Variants in DGKB observed in about 807,000 individuals in gnomAD.
DGKB encodes diacylglycerol kinase beta, also known as 90 kDa diacylglycerol kinase.
Under a neutral mutation model 114.3 loss-of-function variants are expected in DGKB, and 67 were observed. The ratio of observed to expected loss-of-function variants is 0.59; its 90% confidence interval spans 0.48 to 0.72. The LOEUF (loss-of-function observed/expected upper bound fraction) is 0.72, where lower values mean the gene tolerates loss of function less well. Ranked by LOEUF, DGKB falls within the 30% of genes least tolerant of loss-of-function variation. DGKB has a pLI of 0.00. For missense variants in DGKB, 907 were observed against 975.2 expected (o/e 0.93, Z 0.93); for synonymous variants, 398 against 323.1 (o/e 1.23, Z -2.49).
chr7:14,634,803 A>G (rs957001563), intron 13 of DGKB, among the ~76,000 whole-genome samples: 1 of 151,576 alleles, frequency 6.6e-6, no homozygotes, highest in Admixed American at 6.6e-5. Flanking sequence ...TGTTTTTTTT[A>G]TATTTCAGTT....
At chr7:14,374,608 A>G (rs1818193894) in intron 21 of DGKB, among the ~76,000 whole-genome samples, 1 of 152,218 alleles carries the variant, frequency 6.6e-6, no homozygotes, top group Non-Finnish European at 1.5e-5. Flanking sequence ...TAAATCCTAC[A>G]TGATCTAAAT....
chr7:14,910,278 G>T (rs1234758395), intron 1 of DGKB, among the ~76,000 whole-genome samples: 1 of 113,860 alleles, frequency 8.8e-6, no homozygotes, highest in Admixed American at 8.8e-5. Flanking sequence ...AAGAAAGAAA[G>T]AAAGAAAGAA....
intron 23 of DGKB, among the ~76,000 whole-genome samples, chr7:14,186,933 A>G (rs1210416981): frequency 6.6e-6 from 1 of 152,152 alleles, no homozygotes; most frequent in Non-Finnish European, 1.5e-5. Context: ...TGCTCAGGTG[A>G]TGGGTGCACC....
intron 21 of DGKB, among the ~76,000 whole-genome samples, chr7:14,398,713 G>A (rs1193691127): frequency 6.6e-6 from 1 of 151,810 alleles, no homozygotes; most frequent in Admixed American, 6.6e-5. Flanking sequence ...TGGAATCAGA[G>A]TGAACAGTTG....
upstream of DGKB, among the ~76,000 whole-genome samples, chr7:14,906,428 T>C (rs1477139816): frequency 3.4e-5 from 5 of 146,214 alleles, no homozygotes; most frequent in Non-Finnish European, 7.4e-5. Flanking sequence ...TAGAAATCTA[T>C]CTTTTTTCTT....
chr7:14,311,007 A>G (rs1805301157), intron 23 of DGKB, among the ~76,000 whole-genome samples: 1 of 152,080 alleles, frequency 6.6e-6, no homozygotes, highest in Non-Finnish European at 1.5e-5. Context: ...GTGCGCCTGC[A>G]GTTCCAGCTA....
chr7:14,657,478 G>C (rs1395629075), intron 13 of DGKB, among the ~76,000 whole-genome samples: 2 of 151,848 alleles, frequency 1.3e-5, no homozygotes, highest in African/African-American at 4.8e-5. Context: ...ATTGAGAGCT[G>C]ACAATATGCT....
chr7:14,553,865 C>CTTTTTTTTTTTTTTTT (rs58879064), intron 20 of DGKB, among the ~76,000 whole-genome samples: 5 of 71,208 alleles, frequency 7.0e-5, no homozygotes, highest in Non-Finnish European at 7.3e-5. Context: ...CCTTTACATG[C>CTTTTTTTTTTTTTTTT]TTTTTTTTTT....
In DGKB at chr7:14,425,153, T is replaced by C. The variant is rs368035109; in HGVS notation, c.1835+53008A>G. ...ATTTTTTTCTTCTTTTATTTGCTAA[T>C]ATTCTATCCTCTCAACAACATACTG... is the stretch of plus-strand genomic sequence containing the variant. On this transcript the variant is annotated intron_variant, in intron 21 of 25. Transcript: ENST00000402815. Among the ~76,000 whole-genome samples, 171 of 152,282 alleles carry C rather than the reference T, an allele frequency of 1.1e-3. 7 individuals carry two copies. The South Asian group carries it at 0.034, about 30-fold the overall frequency.
At chr7:14,523,902 G>T (rs1161695820) in intron 20 of DGKB, among the ~76,000 whole-genome samples, 2 of 152,012 alleles carry the variant, frequency 1.3e-5, no homozygotes, top group East Asian at 1.9e-4. Flanking sequence ...TTATTGAGGG[G>T]TTACAGTGTT....
Position 14,308,259 on chromosome 7 carries a change from A to C in DGKB, c.2122+30256T>G, listed in dbSNP as rs185066368. ...TCAGATTTTTAATGGCTATGCCATG[A>C]GTAATTTAATAATACCCCTAAATTT... On this transcript the variant is annotated intron_variant, in intron 23 of 25. Coordinates refer to ENST00000402815, the MANE Select transcript of DGKB (RefSeq NM_001350709.2). Among the ~76,000 whole-genome samples the C allele has an allele frequency of 1.6e-4, 25 of 152,242 alleles. No homozygotes were observed. The East Asian group carries it at 4.8e-3, about 29-fold the overall frequency.
At chr7:14,731,586 T>G (rs1163549481) in intron 5 of DGKB, among the ~76,000 whole-genome samples, 1 of 152,138 alleles carries the variant, frequency 6.6e-6, no homozygotes, top group African/African-American at 2.4e-5. Context: ...ATCTGCATAT[T>G]TATTAAATTT....
At chr7:14,354,034 T>C (rs1043373363) in intron 21 of DGKB, among the ~76,000 whole-genome samples, 4 of 152,298 alleles carry the variant, frequency 2.6e-5, no homozygotes, top group African/African-American at 7.2e-5. Flanking sequence ...GACCAGTGAG[T>C]GGTAAGTTGA....
intron 23 of DGKB, among the ~76,000 whole-genome samples, chr7:14,322,629 A>G (rs1808031630): frequency 6.6e-6 from 1 of 152,206 alleles, no homozygotes; most frequent in Non-Finnish European, 1.5e-5. Context: ...AATAAAATTA[A>G]GACATTCTGA....
At chr7:14,814,331 G>C (rs534131385) in intron 2 of DGKB, among the ~76,000 whole-genome samples, 1 of 152,214 alleles carries the variant, frequency 6.6e-6, no homozygotes, top group African/African-American at 2.4e-5. Context: ...ACCAAGAACA[G>C]CAAAATAAAG....
chr7:14,772,967 C>G (rs928241938), intron 2 of DGKB, among the ~76,000 whole-genome samples: 1 of 152,140 alleles, frequency 6.6e-6, no homozygotes, highest in Non-Finnish European at 1.5e-5. Flanking sequence ...ATTGGGTTAT[C>G]TTCAATGCTT....
chr7:14,842,168 A>C, intron 1 of DGKB, among the ~76,000 whole-genome samples: 1 of 152,246 alleles, frequency 6.6e-6, no homozygotes, highest in East Asian at 1.9e-4. Flanking sequence ...TCTTTACAGA[A>C]AATGAAGTAT....
At chr7:14,755,571 C>A (rs1254924308) in intron 3 of DGKB, among the ~76,000 whole-genome samples, 1 of 152,064 alleles carries the variant, frequency 6.6e-6, no homozygotes, top group Non-Finnish European at 1.5e-5. Flanking sequence ...GTCAACTTGA[C>A]CAGCCAATGC....
At chr7:14,419,166 A>G (rs950575614) in intron 21 of DGKB, among the ~76,000 whole-genome samples, 7 of 151,932 alleles carry the variant, frequency 4.6e-5, no homozygotes, top group African/African-American at 1.7e-4. Flanking sequence ...AAATAAATTC[A>G]CTGTAATTAC....
Sources: gnomAD v4.1 joint callset for allele counts (sites outside exome capture counted in the v4.1 genomes callset) on GRCh38, gnomAD v4.1.1 for gene constraint, MANE v1.5 for transcripts, NCBI Gene and HGNC (gene_info 2026-07-23, HGNC 2026-07-21) for gene names.